Variants in GLDC observed in about 807,000 individuals in gnomAD.
The protein encoded by GLDC is glycine decarboxylase, also known as glycine dehydrogenase (decarboxylating), mitochondrial.
In GLDC, 104 loss-of-function variants were observed where a neutral mutation model predicts 121.3. The ratio of observed to expected loss-of-function variants is 0.86; its 90% CI spans 0.73 to 1.01. The LOEUF is 1.01. Among genes scored for constraint, GLDC ranks in the 50% least tolerant of loss-of-function variants. The probability of loss-of-function intolerance (pLI) is 0.00; values close to 1 mark genes in which losing one functional copy is unlikely to be tolerated. For missense variants in GLDC, 1,429 were observed against 1,306.6 expected (o/e 1.09, Z -1.44); for synonymous variants, 546 against 480.6 (o/e 1.14, Z -1.78).
intron 2 of GLDC, among the ~76,000 whole-genome samples, chr9:6,622,322 G>C (rs182419934): frequency 0.033 from 4,934 of 150,272 alleles, 98 homozygotes; most frequent in African/African-American, 0.057. Flanking sequence ...CTGCCATCTT[G>C]GCTCACTGCA....
rs1296797567 is a variant in GLDC at position 6,587,232 on chromosome 9, G to C, written c.1759C>G (p.Gln587Glu). 4 of 1,613,992 alleles carry C rather than the reference G, an allele frequency of 2.5e-6. No homozygotes were observed. The highest frequency in any genetic ancestry group is 3.4e-6 in the Non-Finnish European group (4 of 1,179,870). Reference protein sequence around the residue: ...ANIHPFVPLDQAQGYQQLFRE... With the variant: ...ANIHPFVPLDEAQGYQQLFRE... ...AAAAGCTGCTGATATCCTTGAGCTT[G>C]ATCCAGAGGCACAAAGGGGTGGATG... The change falls in exon 15 of 25, where the codon CAA becomes GAA. Residue 587 changes from glutamine to glutamate, a missense_variant. Physicochemically the swap from Gln to Glu is conservative, Grantham distance 29 (BLOSUM62 2). Coordinates refer to ENST00000321612, the MANE Select transcript of GLDC (RefSeq NM_000170.3).
chr9:6,594,868 A>G (rs1156653859), intron 9 of GLDC, 146 bp downstream of exon 9: 20 of 675,374 alleles, frequency 3.0e-5, no homozygotes. Context: ...AAACAACAAA[A>G]TAATCATGGA....
At chr9:6,591,980 A>C in intron 11 of GLDC, 163 bp downstream of exon 11, 1 of 666,188 alleles carries the variant, frequency 1.5e-6, no homozygotes, top group Non-Finnish European at 2.7e-6. Flanking sequence ...AGTGACCTCC[A>C]GCTGTCAGCA....
intron 2 of GLDC, 135 bp from the exon 3 acceptor site, chr9:6,620,454 A>C (rs186638865): frequency 9.0e-5 from 69 of 767,016 alleles, no homozygotes; most frequent in Middle Eastern, 2.6e-4. Flanking sequence ...CATCCATCCA[A>C]CCAACACTAA....
At chr9:6,579,789 G>A (rs1366845445) in intron 15 of GLDC, among the ~76,000 whole-genome samples, 5 of 152,214 alleles carry the variant, frequency 3.3e-5, no homozygotes, top group Non-Finnish European at 7.3e-5. Flanking sequence ...TGCCTATAAC[G>A]CTGGCTGCCC....
chr9:6,586,866 A>G (rs181917257), intron 15 of GLDC, among the ~76,000 whole-genome samples: 132 of 152,302 alleles, frequency 8.7e-4, no homozygotes, highest in Non-Finnish European at 1.6e-3. Context: ...GCTGTAAGGA[A>G]CAAGGAAGCT....
At chr9:6,645,134 C>G (rs1339199426) in intron 1 of GLDC, 111 bp downstream of exon 1, 5 of 1,126,598 alleles carry the variant, frequency 4.4e-6, no homozygotes, top group Non-Finnish European at 6.2e-6. Flanking sequence ...ACCCAGGGTG[C>G]GGGGACCACG....
At chr9:6,612,391 T>C (rs1818876699) in intron 3 of GLDC, among the ~76,000 whole-genome samples, 2 of 152,110 alleles carry the variant, frequency 1.3e-5, no homozygotes, top group Middle Eastern at 6.8e-3. Flanking sequence ...GATAAGAAGA[T>C]GTTGGTTTCA....
intron 15 of GLDC, among the ~76,000 whole-genome samples, chr9:6,570,586 G>T (rs574061833): frequency 2.0e-5 from 3 of 152,208 alleles, no homozygotes; most frequent in East Asian, 1.9e-4. Flanking sequence ...AGGCATGGTG[G>T]CTCATGCCTG....
intron 2 of GLDC, 109 bp from the exon 3 acceptor site, chr9:6,620,428 T>A: frequency 1.0e-6 from 1 of 960,294 alleles, no homozygotes; most frequent in Non-Finnish European, 1.7e-6. Flanking sequence ...AATAACTATA[T>A]GGAAAATGTA....
At chr9:6,604,904 C>G (rs773515216) in intron 6 of GLDC, 120 bp from the exon 7 acceptor site, 10 of 921,886 alleles carry the variant, frequency 1.1e-5, no homozygotes, top group South Asian at 5.4e-5. Flanking sequence ...CCTGTGAACT[C>G]CATTGCTCAT....
intron 14 of GLDC, among the ~76,000 whole-genome samples, chr9:6,587,566 T>G (rs1200747894): frequency 1.3e-5 from 2 of 152,222 alleles, no homozygotes; most frequent in East Asian, 3.8e-4. Flanking sequence ...CAGATTTCTT[T>G]CCATGAAACA....
chr9:6,585,897 G>A (rs55799008), intron 15 of GLDC, among the ~76,000 whole-genome samples: 34,477 of 98,782 alleles, frequency 0.35, 4,453 homozygotes, highest in Middle Eastern at 0.42. Flanking sequence ...TCTATCATCT[G>A]TCCATCGGTC....
chr9:6,605,253 T>G lies in GLDC; in HGVS notation c.739A>C (p.Lys247Gln), dbSNP rs1818706391. 1 of 1,613,858 alleles carries G rather than the reference T, an allele frequency of 6.2e-7. No homozygotes were observed. The highest frequency in any genetic ancestry group is 8.5e-7 in the Non-Finnish European group (1 of 1,179,856). Residue 247 changes from lysine to glutamine, a missense_variant, in exon 6 of 25, where the codon AAG becomes CAG. Lys to Gln is a moderately conservative substitution (Grantham distance 53). Transcript: ENST00000321612. ...CTGAAGTCCATTTCACAGGGTAACT[T>G]CAGCTCAGTGAGGACTCCAGTATAT... ...AKYTGVLTELKLPCEMDFSGK... is the reference protein window; with the variant it reads ...AKYTGVLTELQLPCEMDFSGK...
At chr9:6,638,318 T>A (rs1171957626) in intron 2 of GLDC, among the ~76,000 whole-genome samples, 1 of 152,012 alleles carries the variant, frequency 6.6e-6, no homozygotes, top group African/African-American at 2.4e-5. Flanking sequence ...AAGCGATTCT[T>A]CTGCCTCGGC....
chr9:6,583,873 G>C (rs1483160776), intron 15 of GLDC, among the ~76,000 whole-genome samples: 1 of 152,204 alleles, frequency 6.6e-6, no homozygotes, highest in East Asian at 1.9e-4. Context: ...AAAAGGGAAA[G>C]AGGAACCGAA....
intron 2 of GLDC, among the ~76,000 whole-genome samples, chr9:6,629,976 G>C (rs1162000198): frequency 3.8e-5 from 2 of 52,220 alleles, no homozygotes; most frequent in Admixed American, 2.0e-4. Context: ...TTTTAAGAGA[G>C]ACAAGGTCTC....
intron 15 of GLDC, among the ~76,000 whole-genome samples, chr9:6,581,773 C>A (rs1441994853): frequency 6.6e-6 from 1 of 152,086 alleles, no homozygotes; most frequent in Non-Finnish European, 1.5e-5. Context: ...CCAGAGAAGG[C>A]CACAGACATT....
intron 16 of GLDC, among the ~76,000 whole-genome samples, chr9:6,562,155 A>G (rs1022955547): frequency 6.6e-6 from 1 of 152,256 alleles, no homozygotes; most frequent in Admixed American, 6.5e-5. Flanking sequence ...TATTAATTAT[A>G]AAGTGTTAAA....
Sources: gnomAD v4.1 joint callset for allele counts (sites outside exome capture counted in the v4.1 genomes callset) on GRCh38, gnomAD v4.1.1 for gene constraint, MANE v1.5 for transcripts, NCBI Gene and HGNC (gene_info 2026-07-23, HGNC 2026-07-21) for gene names.